Variants in LY6S observed in about 807,000 individuals in gnomAD.
The protein encoded by LY6S is lymphocyte antigen 6S.
At chr8:143,068,036 C>T in the LY6S span, among the ~76,000 whole-genome samples, 1 of 152,174 alleles carries the variant, frequency 6.6e-6, no homozygotes, top group Non-Finnish European at 1.5e-5. Context: ...ACAGACCCTT[C>T]ACGGGTGTTG....
At chr8:143,055,734 C>T in the LY6S span, among the ~76,000 whole-genome samples, 3 of 152,146 alleles carry the variant, frequency 2.0e-5, no homozygotes, top group East Asian at 1.9e-4. Context: ...GTAAATACGC[C>T]GTGAAAGACG....
At chr8:143,074,706 G>GTGCATCTGCTTCTA in the LY6S span, among the ~76,000 whole-genome samples, 1 of 152,024 alleles carries the variant, frequency 6.6e-6, no homozygotes, top group Non-Finnish European at 1.5e-5. Context: ...TGGGTTATCT[G>GTGCATCTGCTTCTA]TGCATCTGCT....
chr8:143,056,666 T>A, the LY6S span, among the ~76,000 whole-genome samples: 2 of 152,100 alleles, frequency 1.3e-5, 1 homozygote, highest in Non-Finnish European at 2.9e-5. Flanking sequence ...TATGCAAAAA[T>A]TTCTGATTAC....
chr8:143,049,864 T>C, the LY6S span, among the ~76,000 whole-genome samples: 1 of 152,190 alleles, frequency 6.6e-6, no homozygotes, highest in Admixed American at 6.5e-5. Context: ...CCATAAATGA[T>C]CTAATTTATA....
the LY6S span, among the ~76,000 whole-genome samples, chr8:143,072,277 C>G: frequency 2.2e-5 from 2 of 91,790 alleles, no homozygotes; most frequent in Non-Finnish European, 2.2e-5. Flanking sequence ...CCGTCGTCCC[C>G]GGGGTTCCTG....
chr8:143,042,687 G>T, the LY6S span, among the ~76,000 whole-genome samples: 2 of 152,192 alleles, frequency 1.3e-5, no homozygotes, highest in Middle Eastern at 3.2e-3. Flanking sequence ...AGGGCCCCCT[G>T]GGACCACGTT....
chr8:143,070,764 C>T, the LY6S span, among the ~76,000 whole-genome samples: 9 of 151,866 alleles, frequency 5.9e-5, no homozygotes, highest in Admixed American at 4.6e-4. Flanking sequence ...GGATTACAGG[C>T]GTGAGCCACC....
At chr8:143,048,300 A>G in the LY6S span, among the ~76,000 whole-genome samples, 1 of 151,956 alleles carries the variant, frequency 6.6e-6, no homozygotes, top group East Asian at 1.9e-4. Context: ...ATCCAACCAC[A>G]TCGGTTGCTC....
the LY6S span, chr8:143,043,084 G>C: frequency 1.5e-6 from 2 of 1,367,714 alleles, no homozygotes; most frequent in Non-Finnish European, 2.0e-6. Flanking sequence ...CACAGGGACA[G>C]AGGGTAGGCC....
the LY6S span, among the ~76,000 whole-genome samples, chr8:143,052,158 G>A: frequency 6.6e-6 from 1 of 151,240 alleles, no homozygotes; most frequent in Non-Finnish European, 1.5e-5. Flanking sequence ...GCGGGCGCCT[G>A]TAGTCCCAGC....
At chr8:143,072,273 T>A in the LY6S span, among the ~76,000 whole-genome samples, 2 of 135,898 alleles carry the variant, frequency 1.5e-5, no homozygotes, top group Admixed American at 7.7e-5. Context: ...ACAGCCGTCG[T>A]CCCCGGGGTT....
the LY6S span, among the ~76,000 whole-genome samples, chr8:143,064,185 G>A: frequency 5.3e-3 from 812 of 152,252 alleles, 3 homozygotes; most frequent in Non-Finnish European, 8.8e-3. Context: ...TTTGTCTAGC[G>A]GCTTTACCAG....
At chr8:143,061,236 G>A in the LY6S span, among the ~76,000 whole-genome samples, 1 of 150,470 alleles carries the variant, frequency 6.6e-6, no homozygotes, top group Admixed American at 6.6e-5. Context: ...GACAAGCCTG[G>A]GCAACATAGC....
At chr8:143,072,825 A>C in the LY6S span, among the ~76,000 whole-genome samples, 2 of 30,032 alleles carry the variant, frequency 6.7e-5, no homozygotes, top group Non-Finnish European at 5.6e-5. Flanking sequence ...CGTCCTCGGG[A>C]TTCCTGTTTG....
At chr8:143,059,884 C>T in the LY6S span, 1 of 152,020 alleles carries the variant, frequency 6.6e-6, no homozygotes, top group East Asian at 1.9e-4. Context: ...GGTGCCGAGG[C>T]AAGAGACCAA....
At chr8:143,047,049 A>G in the LY6S span, among the ~76,000 whole-genome samples, 2 of 152,152 alleles carry the variant, frequency 1.3e-5, no homozygotes, top group South Asian at 4.1e-4. Context: ...AAGGATGATA[A>G]TAGTGTCTTC....
the LY6S span, chr8:143,066,121 C>T: frequency 3.3e-5 from 12 of 367,344 alleles, no homozygotes; most frequent in African/African-American, 4.7e-5. Flanking sequence ...CTGACTGCTG[C>T]GGCCTCCATG....
At chr8:143,072,133 A>G in the LY6S span, among the ~76,000 whole-genome samples, 1 of 150,468 alleles carries the variant, frequency 6.6e-6, no homozygotes, top group Non-Finnish European at 1.5e-5. Context: ...TCAGAATCCA[A>G]GTTGGTAATT....
At chr8:143,044,600 G>A in the LY6S span, 3 of 1,280,480 alleles carry the variant, frequency 2.3e-6, no homozygotes, top group Non-Finnish European at 3.1e-6. Context: ...CTTGTAGGGG[G>A]ACCTTGGTCC....
Sources: gnomAD v4.1 joint callset for allele counts (sites outside exome capture counted in the v4.1 genomes callset) on GRCh38, gnomAD v4.1.1 for gene constraint, MANE v1.5 for transcripts, NCBI Gene and HGNC (gene_info 2026-07-23, HGNC 2026-07-21) for gene names.